The following ATP8B1 variants were observed in gnomAD, a reference collection of about 807,000 sequenced individuals.
ATP8B1 encodes the protein phospholipid-transporting ATPase IC.
A neutral mutation model predicts 149.9 loss-of-function variants in ATP8B1; 80 were observed. The ratio of observed to expected loss-of-function variants is 0.53; its 90% confidence interval spans 0.45 to 0.64. The LOEUF (loss-of-function observed/expected upper bound fraction) is 0.64, where lower values mean the gene tolerates loss of function less well. Ranked by LOEUF, ATP8B1 falls within the 30% of genes least tolerant of loss-of-function variation. The probability of loss-of-function intolerance (pLI) is 0.00; values close to 1 mark genes in which losing one functional copy is unlikely to be tolerated. For missense variants in ATP8B1, 1,247 were observed against 1,552.6 expected, an observed-to-expected ratio of 0.80 and a Z score of 3.31; for synonymous variants, 536 against 562.8, an observed-to-expected ratio of 0.95 and a Z score of 0.67.
intron 1 of ATP8B1, among the ~76,000 whole-genome samples, chr18:57,772,730 C>T (rs12963819): frequency 0.027 from 4,076 of 152,128 alleles, 105 homozygotes; most frequent in Non-Finnish European, 0.042. Context: ...CCTAGGAATT[C>T]GGCGCACAGA....
chr18:57,748,066 TCTC>T (rs928961540), intron 1 of ATP8B1, among the ~76,000 whole-genome samples: 2 of 152,162 alleles, frequency 1.3e-5, no homozygotes, highest in Admixed American at 6.6e-5. Flanking sequence ...TGTCCAAGCT[TCTC>T]CTACAAATCT....
intron 1 of ATP8B1, among the ~76,000 whole-genome samples, chr18:57,785,036 C>T (rs2080393077): frequency 1.3e-5 from 2 of 152,322 alleles, no homozygotes; most frequent in South Asian, 2.1e-4. Context: ...AAGAGCTTCA[C>T]AAATCATTTC....
chr18:57,758,375 T>G (rs185374099), intron 1 of ATP8B1, among the ~76,000 whole-genome samples: 14 of 152,140 alleles, frequency 9.2e-5, no homozygotes, highest in Non-Finnish European at 1.6e-4. Context: ...GCGCGGTGCC[T>G]CACGCCTGTA....
At chr18:57,679,406 T>TA (rs1568192837) in intron 15 of ATP8B1, among the ~76,000 whole-genome samples, 2 of 151,652 alleles carry the variant, frequency 1.3e-5, no homozygotes, top group South Asian at 4.2e-4. Context: ...AAAAACAAAC[T>TA]AAAAAAACAA....
At chr18:57,662,700 T>G in intron 20 of ATP8B1, 85 bp from the exon 21 acceptor site, 1 of 1,485,418 alleles carries the variant, frequency 6.7e-7, no homozygotes, top group African/African-American at 1.4e-5. Flanking sequence ...TAAAAAAAAT[T>G]GTGACAAAAA....
intron 1 of ATP8B1, among the ~76,000 whole-genome samples, chr18:57,773,366 G>A (rs1358095960): frequency 6.6e-6 from 1 of 152,094 alleles, no homozygotes; most frequent in African/African-American, 2.4e-5. Context: ...GACAGAAAGG[G>A]TGGGATTTCT....
chr18:57,759,128 C>T (rs1236069775), intron 1 of ATP8B1, among the ~76,000 whole-genome samples: 3 of 140,286 alleles, frequency 2.1e-5, no homozygotes, highest in Non-Finnish European at 3.1e-5. Flanking sequence ...TGCACTCCAG[C>T]CTGGGCGACA....
At chr18:57,680,371 A>C (rs1911882724) in intron 15 of ATP8B1, among the ~76,000 whole-genome samples, 1 of 148,554 alleles carries the variant, frequency 6.7e-6, no homozygotes, top group Non-Finnish European at 1.5e-5. Flanking sequence ...GGATTACTTG[A>C]GGTCGGGAGT....
At position 57,748,216 on chromosome 18, in the gene ATP8B1, C is replaced by T. The variant is rs139913882; in HGVS notation, c.-25-16384G>A. On this transcript the variant is annotated intron_variant, in intron 1 of 27. Coordinates refer to ENST00000648908, the MANE Select transcript of ATP8B1 (RefSeq NM_001374385.1). The stretch of plus-strand genomic sequence containing the variant: ...TGCATCAGGCTCTCCACTATGTATT[C>T]GCATTAGCTTACTTTGTTTGAGGAT... Among the ~76,000 whole-genome samples, 5 of 152,310 alleles carry T rather than the reference C, an allele frequency of 3.3e-5. No individual in the cohort carries two copies. In the East Asian group the frequency reaches 9.6e-4, roughly 29 times the overall value.
intron 1 of ATP8B1, among the ~76,000 whole-genome samples, chr18:57,749,278 A>C (rs986287418): frequency 6.6e-6 from 1 of 152,162 alleles, no homozygotes; most frequent in Non-Finnish European, 1.5e-5. Context: ...AAAGGCAAGT[A>C]GTACAGAGAA....
intron 15 of ATP8B1, among the ~76,000 whole-genome samples, chr18:57,677,318 T>C (rs188015203): frequency 3.3e-5 from 5 of 152,344 alleles, no homozygotes; most frequent in Admixed American, 6.5e-5. Flanking sequence ...CATGTTGTAC[T>C]TCAATAAAAA....
intron 22 of ATP8B1, among the ~76,000 whole-genome samples, chr18:57,659,018 G>A (rs145320865): frequency 3.5e-4 from 53 of 152,272 alleles, no homozygotes; most frequent in African/African-American, 1.3e-3. Flanking sequence ...GCTCATGCCT[G>A]TAATCCTAGC....
At chr18:57,695,572 T>C (rs770032481) in intron 8 of ATP8B1, 40 bp from the exon 9 acceptor site, 32 of 1,526,254 alleles carry the variant, frequency 2.1e-5, no homozygotes, top group Non-Finnish European at 2.2e-5. Context: ...TGAACAAATT[T>C]TTGAGTTCAA....
chr18:57,774,364 A>G (rs1242475745), intron 1 of ATP8B1, among the ~76,000 whole-genome samples: 1 of 152,218 alleles, frequency 6.6e-6, no homozygotes. Context: ...TTGGGAGGCC[A>G]AGGCAGGTGG....
intron 15 of ATP8B1, 88 bp from the exon 16 acceptor site, chr18:57,675,110 G>A: frequency 7.2e-7 from 1 of 1,386,422 alleles, no homozygotes; most frequent in Non-Finnish European, 1.0e-6. Context: ...CTCCTGTGGG[G>A]GTCAGATGGG....
chr18:57,710,015 G>A (rs1913615543), intron 2 of ATP8B1, among the ~76,000 whole-genome samples: 1 of 143,810 alleles, frequency 7.0e-6, no homozygotes, highest in African/African-American at 2.6e-5. Context: ...TTTTTTTTAA[G>A]AGACGGAGTC....
intron 26 of ATP8B1, 110 bp from the exon 27 acceptor site, chr18:57,650,607 C>T: frequency 7.5e-7 from 1 of 1,340,786 alleles, no homozygotes; most frequent in Non-Finnish European, 1.0e-6. Context: ...CTTTGAGAGG[C>T]CAAGGTGGGT....
intron 1 of ATP8B1, among the ~76,000 whole-genome samples, chr18:57,785,413 T>C (rs148468889): frequency 1.3e-5 from 2 of 152,378 alleles, no homozygotes; most frequent in East Asian, 3.9e-4. Context: ...TTCCCGATAT[T>C]TTTGTTGCAT....
intron 1 of ATP8B1, among the ~76,000 whole-genome samples, chr18:57,800,878 A>G (rs2080566846): frequency 6.6e-6 from 1 of 152,222 alleles, no homozygotes; most frequent in South Asian, 2.1e-4. Flanking sequence ...ACGGAAGGAA[A>G]GGAAAAGAAC....
Sources: allele counts gnomAD v4.1 joint callset (sites outside exome capture counted in the v4.1 genomes callset), GRCh38; gene constraint gnomAD v4.1.1; transcripts MANE v1.5; gene names NCBI Gene and HGNC (gene_info 2026-07-23, HGNC 2026-07-21).